Variants in TAFA2 observed in about 807,000 individuals in gnomAD.
The protein encoded by TAFA2 is chemokine-like protein TAFA-2.
Under a neutral mutation model 18.8 loss-of-function variants are expected in TAFA2, and 7 were observed. That is an observed-to-expected ratio of 0.37 (90% CI 0.21 to 0.70). TAFA2 has a LOEUF of 0.70. Ranked by LOEUF, TAFA2 falls within the 30% of genes least tolerant of loss-of-function variation. The pLI, the probability that TAFA2 is intolerant of heterozygous loss-of-function variation, is 0.53. For synonymous variants in TAFA2, 60 were observed against 54.2 expected (o/e 1.11, Z -0.47); for missense variants, 122 against 158.1 (o/e 0.77, Z 1.23).
chr12:62,136,749 G>A (rs867840834), intron 1 of TAFA2, among the ~76,000 whole-genome samples: 22 of 152,136 alleles, frequency 1.4e-4, no homozygotes, highest in Non-Finnish European at 2.4e-4. Context: ...ATTAGCAAGA[G>A]TAGGCAACAA....
intron 2 of TAFA2, among the ~76,000 whole-genome samples, chr12:61,857,014 G>C (rs1873912993): frequency 1.3e-5 from 2 of 151,776 alleles, no homozygotes; most frequent in African/African-American, 4.8e-5. Context: ...AATGGTGTAT[G>C]TGTAGTAGAA....
intron 1 of TAFA2, among the ~76,000 whole-genome samples, chr12:61,983,038 G>A (rs1158425376): frequency 6.6e-6 from 1 of 151,970 alleles, no homozygotes; most frequent in Non-Finnish European, 1.5e-5. Flanking sequence ...GAAAGCACAA[G>A]GTCAACAGCT....
chr12:61,919,845 A>G (rs1419184676), intron 1 of TAFA2, among the ~76,000 whole-genome samples: 1 of 152,136 alleles, frequency 6.6e-6, no homozygotes, highest in East Asian at 1.9e-4. Flanking sequence ...GGTGCAATGA[A>G]TCATAGTTAA....
chr12:61,742,840 A>G (rs139119680), intron 4 of TAFA2, among the ~76,000 whole-genome samples: 355 of 152,086 alleles, frequency 2.3e-3, no homozygotes, highest in Non-Finnish European at 4.3e-3. Flanking sequence ...ACCAAGCCCT[A>G]TCAATTCCCT....
At chr12:61,838,282 C>A (rs1419890651) in intron 2 of TAFA2, among the ~76,000 whole-genome samples, 1 of 151,888 alleles carries the variant, frequency 6.6e-6, no homozygotes, top group East Asian at 1.9e-4. Context: ...TGATCCAAGG[C>A]CTGGATCACT....
At chr12:62,050,932 C>T (rs1882035936) in intron 1 of TAFA2, among the ~76,000 whole-genome samples, 1 of 152,130 alleles carries the variant, frequency 6.6e-6, no homozygotes, top group Admixed American at 6.5e-5. Context: ...CTCTAAGCAT[C>T]CTTTTCATCA....
chr12:61,890,773 G>C (rs1279614042), intron 1 of TAFA2, among the ~76,000 whole-genome samples: 1 of 152,040 alleles, frequency 6.6e-6, no homozygotes, highest in East Asian at 1.9e-4. Context: ...CTTCTCCCCG[G>C]GGACAGAGTC....
intron 1 of TAFA2, among the ~76,000 whole-genome samples, chr12:61,955,642 T>A (rs1478140401): frequency 1.0e-3 from 30 of 28,674 alleles, no homozygotes; most frequent in Non-Finnish European, 1.6e-3. Flanking sequence ...AATATATATA[T>A]ATATATATAT....
chr12:62,258,869 T>A (rs577292251), upstream of TAFA2: 1 of 213,704 alleles, frequency 4.7e-6, no homozygotes, highest in South Asian at 4.1e-5. Context: ...AATGTGACTT[T>A]TAGAGGGTAG....
At chr12:62,195,668 C>T (rs993332027), upstream of TAFA2, among the ~76,000 whole-genome samples, 1 of 152,178 alleles carries the variant, frequency 6.6e-6, no homozygotes, top group African/African-American at 2.4e-5. Flanking sequence ...AAGCCAGTAG[C>T]TCTCAACAGT....
At chr12:61,758,789 G>C (rs745450951) in intron 2 of TAFA2, among the ~76,000 whole-genome samples, 5 of 152,002 alleles carry the variant, frequency 3.3e-5, no homozygotes, top group Non-Finnish European at 7.4e-5. Context: ...TAAGATGATA[G>C]ATTTCTGGGG....
At chr12:62,162,738 T>A (rs572884168) in intron 1 of TAFA2, among the ~76,000 whole-genome samples, 1 of 152,262 alleles carries the variant, frequency 6.6e-6, no homozygotes, top group South Asian at 2.1e-4. Context: ...TGTCATGGAA[T>A]AATAAAATCT....
At chr12:62,145,802 G>A (rs989985716) in intron 1 of TAFA2, among the ~76,000 whole-genome samples, 4 of 152,166 alleles carry the variant, frequency 2.6e-5, no homozygotes, top group Admixed American at 6.5e-5. Context: ...AGGCATCCTC[G>A]CTTGACATAA....
At chr12:62,164,307 G>A (rs976253653) in intron 1 of TAFA2, among the ~76,000 whole-genome samples, 3 of 152,036 alleles carry the variant, frequency 2.0e-5, no homozygotes, top group Admixed American at 6.6e-5. Context: ...CTTGTTCCTC[G>A]AGAACTTAAG....
chr12:62,059,137 A>ATGTGTGTG (rs779755647), intron 1 of TAFA2, among the ~76,000 whole-genome samples: 77 of 43,526 alleles, frequency 1.8e-3, no homozygotes, highest in Non-Finnish European at 2.6e-3. Flanking sequence ...ATATGTGTGT[A>ATGTGTGTG]TATGTGTGTG....
chr12:62,077,667 T>C (rs1005648798), intron 1 of TAFA2, among the ~76,000 whole-genome samples: 17 of 152,158 alleles, frequency 1.1e-4, no homozygotes, highest in Non-Finnish European at 2.2e-4. Flanking sequence ...TTTGTCCCAA[T>C]TCTCTTCTGC....
intron 1 of TAFA2, among the ~76,000 whole-genome samples, chr12:61,903,256 C>T (rs1478604005): frequency 1.3e-5 from 2 of 149,364 alleles, no homozygotes; most frequent in Non-Finnish European, 3.0e-5. Context: ...CATTCTGCCT[C>T]TCCCATTTGA....
At chr12:61,968,473 C>T (rs1879140092) in intron 1 of TAFA2, among the ~76,000 whole-genome samples, 1 of 151,726 alleles carries the variant, frequency 6.6e-6, no homozygotes, top group African/African-American at 2.4e-5. Context: ...TATACAAAAA[C>T]ATGAGACATA....
At chr12:62,159,302 A>G (rs1268233989) in intron 1 of TAFA2, among the ~76,000 whole-genome samples, 3 of 152,244 alleles carry the variant, frequency 2.0e-5, no homozygotes, top group Admixed American at 2.0e-4. Flanking sequence ...AGAAACTAAC[A>G]TTCAGTGTAA....
Sources: allele counts gnomAD v4.1 joint callset (sites outside exome capture counted in the v4.1 genomes callset), GRCh38; gene constraint gnomAD v4.1.1; transcripts MANE v1.5; gene names NCBI Gene and HGNC (gene_info 2026-07-23, HGNC 2026-07-21).